Variants in SEZ6L observed in about 807,000 individuals in gnomAD.
SEZ6L encodes seizure 6-like protein.
A neutral mutation model predicts 106.2 loss-of-function variants in SEZ6L; 37 were observed. The observed-to-expected ratio is 0.35, with a 90% CI of 0.27 to 0.46. The LOEUF (loss-of-function observed/expected upper bound fraction) is 0.46, where lower values mean the gene tolerates loss of function less well. SEZ6L is among the 20% of genes least tolerant of loss of function. SEZ6L has a pLI of 1.00. For missense variants in SEZ6L, 1,172 were observed against 1,332.8 expected, an observed-to-expected ratio of 0.88 and a Z score of 1.88; for synonymous variants, 541 against 570.4, an observed-to-expected ratio of 0.95 and a Z score of 0.73.
chr22:26,298,550 G>T (rs1365698041), intron 4 of SEZ6L, among the ~76,000 whole-genome samples: 1 of 152,168 alleles, frequency 6.6e-6, no homozygotes, highest in African/African-American at 2.4e-5. Flanking sequence ...TAGTTCTCGA[G>T]CTTTCATATC....
At chr22:26,359,717 A>T (rs2083551650) in intron 12 of SEZ6L, among the ~76,000 whole-genome samples, 1 of 152,122 alleles carries the variant, frequency 6.6e-6, no homozygotes, top group Admixed American at 6.5e-5. Flanking sequence ...AGGTGGGAGG[A>T]TCTCTTGAAA....
chr22:26,293,273 T>G, intron 2 of SEZ6L, 127 bp downstream of exon 2: 18 of 1,310,376 alleles, frequency 1.4e-5, no homozygotes, highest in Non-Finnish European at 1.8e-5. Context: ...CATTGAGCAC[T>G]GACTATGAGC....
At chr22:26,325,929 A>C (rs1601507592) in intron 9 of SEZ6L, among the ~76,000 whole-genome samples, 1 of 42,724 alleles carries the variant, frequency 2.3e-5, no homozygotes, top group Admixed American at 3.0e-4. Context: ...CACACACACC[A>C]CACACACACA....
intron 9 of SEZ6L, among the ~76,000 whole-genome samples, chr22:26,328,031 A>G (rs373501400): frequency 5.3e-5 from 8 of 152,264 alleles, no homozygotes; most frequent in African/African-American, 9.6e-5. Context: ...CTTCCTTGCT[A>G]TTGAGTGGGG....
At chr22:26,183,590 G>A (rs527724028) in intron 1 of SEZ6L, among the ~76,000 whole-genome samples, 1 of 152,278 alleles carries the variant, frequency 6.6e-6, no homozygotes, top group East Asian at 1.9e-4. Flanking sequence ...GTCACTTTAA[G>A]AGAACCTCCA....
chr22:26,310,955 T>A, intron 7 of SEZ6L, 119 bp downstream of exon 7: 1 of 962,814 alleles, frequency 1.0e-6, no homozygotes, highest in East Asian at 2.4e-5. Flanking sequence ...CATGGCCATG[T>A]GGATCCTTTG....
At chr22:26,345,514 A>C (rs2082978588) in intron 10 of SEZ6L, among the ~76,000 whole-genome samples, 1 of 152,188 alleles carries the variant, frequency 6.6e-6, no homozygotes, top group African/African-American at 2.4e-5. Flanking sequence ...TAGTCTGAGC[A>C]TCTGCAGCTG....
intron 9 of SEZ6L, among the ~76,000 whole-genome samples, chr22:26,336,553 C>G (rs2082650904): frequency 6.6e-6 from 1 of 152,192 alleles, no homozygotes; most frequent in African/African-American, 2.4e-5. Flanking sequence ...TGGAAATCCA[C>G]TGCACCTATT....
chr22:26,246,405 A>G (rs543061355), intron 1 of SEZ6L, among the ~76,000 whole-genome samples: 4 of 152,292 alleles, frequency 2.6e-5, no homozygotes, highest in Admixed American at 2.0e-4. Context: ...AAAGAATTAG[A>G]AGGAAGAAAA....
At chr22:26,309,763 G>A (rs375533563) in intron 6 of SEZ6L, among the ~76,000 whole-genome samples, 2 of 152,070 alleles carry the variant, frequency 1.3e-5, no homozygotes, top group Non-Finnish European at 2.9e-5. Context: ...ATTTTTAGTA[G>A]AGACGGGGTT....
intron 5 of SEZ6L, among the ~76,000 whole-genome samples, chr22:26,300,882 T>A (rs567817192): frequency 4.1e-4 from 63 of 152,392 alleles, no homozygotes; most frequent in Non-Finnish European, 6.5e-4. Context: ...ATCAGATAAG[T>A]GGTTTGCAAA....
rs1400607410 is a variant in SEZ6L, at chr22:26,369,359, A to T, written c.2794+3793A>T. ...AGCAGTTCTTTTGTTTTTTTTTTTGAGACAGATTCTCGCTCTGTCCCCCAG... is the reference window on the plus strand; with the variant it reads ...AGCAGTTCTTTTGTTTTTTTTTTTGTGACAGATTCTCGCTCTGTCCCCCAG... On this transcript the variant is annotated intron_variant, in intron 13 of 16. Transcript: ENST00000248933. Among the ~76,000 whole-genome samples the T allele has an allele frequency of 8.0e-4, 29 of 36,064 alleles. 7 individuals carry two copies. The highest frequency in any genetic ancestry group is 4.0e-3 in the African/African-American group (27 of 6,726). The allele number at this position is 36,064 out of a possible 152,430, so 23.7% of individuals were successfully genotyped here. A position where few individuals can be genotyped will look rare whatever the true frequency, so the allele number is the denominator to read the frequency against.
chr22:26,233,580 C>CCTT (rs1365323453), intron 1 of SEZ6L, among the ~76,000 whole-genome samples: 1 of 152,208 alleles, frequency 6.6e-6, no homozygotes, highest in Non-Finnish European at 1.5e-5. Flanking sequence ...AGGTCCCACA[C>CCTT]CTTTGCTCCA....
At chr22:26,174,793 A>T (rs1275212069) in intron 1 of SEZ6L, among the ~76,000 whole-genome samples, 2 of 152,220 alleles carry the variant, frequency 1.3e-5, no homozygotes, top group Non-Finnish European at 1.5e-5. Flanking sequence ...GACGCACGAG[A>T]TATAATTTAC....
At chr22:26,328,795 A>G (rs1369131148) in intron 9 of SEZ6L, among the ~76,000 whole-genome samples, 1 of 152,124 alleles carries the variant, frequency 6.6e-6, no homozygotes, top group Non-Finnish European at 1.5e-5. Flanking sequence ...AGATGGAGAA[A>G]AGGAAGAAAA....
intron 1 of SEZ6L, among the ~76,000 whole-genome samples, chr22:26,291,796 T>C (rs1290371046): frequency 6.6e-6 from 1 of 152,134 alleles, no homozygotes; most frequent in Non-Finnish European, 1.5e-5. Context: ...TCCTCTCTGC[T>C]CTCTTAGCAC....
intron 11 of SEZ6L, among the ~76,000 whole-genome samples, chr22:26,348,547 A>C (rs190598536): frequency 7.0e-5 from 6 of 86,260 alleles, no homozygotes; most frequent in African/African-American, 3.2e-4. Flanking sequence ...GGAAGGAAGG[A>C]AGGAAGGAAG....
intron 12 of SEZ6L, among the ~76,000 whole-genome samples, chr22:26,357,106 C>T (rs906384637): frequency 2.0e-5 from 3 of 152,122 alleles, no homozygotes; most frequent in East Asian, 1.9e-4. Flanking sequence ...TGCCCGCCAC[C>T]ACGCCTGGCT....
At chr22:26,358,079 A>G (rs16981890) in intron 12 of SEZ6L, among the ~76,000 whole-genome samples, 1,585 of 152,232 alleles carry the variant, frequency 0.01, 36 homozygotes, top group African/African-American at 0.035. Flanking sequence ...CCACCGTAGG[A>G]GCTTCCACTG....
Sources: gnomAD v4.1 joint callset for allele counts (sites outside exome capture counted in the v4.1 genomes callset) on GRCh38, gnomAD v4.1.1 for gene constraint, MANE v1.5 for transcripts, NCBI Gene and HGNC (gene_info 2026-07-23, HGNC 2026-07-21) for gene names.